Variants in ANK2 observed in about 807,000 individuals in gnomAD.
The protein encoded by ANK2 is ankyrin-2.
In ANK2, 83 loss-of-function variants were observed where a neutral mutation model predicts 360.5. The observed-to-expected ratio is 0.23, with a 90% confidence interval of 0.19 to 0.28. The LOEUF (loss-of-function observed/expected upper bound fraction) is 0.28. ANK2 is among the 10% of genes least tolerant of loss of function. The probability of loss-of-function intolerance (pLI) is 1.00; values close to 1 mark genes in which losing one functional copy is unlikely to be tolerated. For missense variants in ANK2, 4,201 were observed against 4,795.7 expected (o/e 0.88, Z 3.66); for synonymous variants, 1,740 against 1,759.5 (o/e 0.99, Z 0.28).
chr4:113,298,865 G>A (rs1309947134), intron 22 of ANK2, among the ~76,000 whole-genome samples: 1 of 152,098 alleles, frequency 6.6e-6, no homozygotes, highest in African/African-American at 2.4e-5. Context: ...GTTTTCAAAG[G>A]ACATTTTGTT....
the ANK2 span, among the ~76,000 whole-genome samples, chr4:112,786,467 G>A: frequency 3.4e-5 from 5 of 145,102 alleles, no homozygotes; most frequent in Non-Finnish European, 6.0e-5. Flanking sequence ...GCGTGATCTC[G>A]GCTCACTGCA....
chr4:113,073,793 A>T (rs530471219), intron 1 of ANK2, among the ~76,000 whole-genome samples: 1 of 152,168 alleles, frequency 6.6e-6, no homozygotes, highest in Non-Finnish European at 1.5e-5. Context: ...ACCTCATCCA[A>T]TGGTGCCCAG....
intron 16 of ANK2, 135 bp downstream of exon 16, chr4:113,278,070 C>T (rs1209496564): frequency 2.3e-6 from 2 of 879,506 alleles, no homozygotes; most frequent in East Asian, 2.7e-5. Context: ...GACATGGTGG[C>T]GATGTCTTCC....
intron 2 of ANK2, among the ~76,000 whole-genome samples, chr4:113,180,474 G>A (rs1038544268): frequency 6.6e-6 from 1 of 152,096 alleles, no homozygotes; most frequent in Non-Finnish European, 1.5e-5. Flanking sequence ...AGCAAAAGTA[G>A]CACTGATTCG....
chr4:113,369,487 A>T (rs2154065572), intron 42 of ANK2, 27 bp from the exon 43 acceptor site: 1 of 1,611,416 alleles, frequency 6.2e-7, no homozygotes, highest in South Asian at 1.1e-5. Context: ...AATGTCCCTG[A>T]AGTCTCATTT....
intron 2 of ANK2, among the ~76,000 whole-genome samples, chr4:113,018,815 G>A (rs540749886): frequency 3.3e-5 from 5 of 152,218 alleles, no homozygotes; most frequent in South Asian, 2.1e-4. Flanking sequence ...CTTGAGATAC[G>A]GATAAACAGA....
At chr4:112,975,103 G>A (rs553275978) in intron 2 of ANK2, among the ~76,000 whole-genome samples, 10 of 152,216 alleles carry the variant, frequency 6.6e-5, no homozygotes, top group African/African-American at 2.2e-4. Flanking sequence ...CATCCAGTCC[G>A]GGAAATGCCC....
At chr4:113,375,405 A>G (rs1441529766) in intron 45 of ANK2, among the ~76,000 whole-genome samples, 1 of 152,224 alleles carries the variant, frequency 6.6e-6, no homozygotes, top group Non-Finnish European at 1.5e-5. Context: ...CAATTACTTA[A>G]GTTCTGGTTT....
chr4:112,987,426 G>T (rs1341805088), intron 2 of ANK2, among the ~76,000 whole-genome samples: 1 of 152,222 alleles, frequency 6.6e-6, no homozygotes, highest in Non-Finnish European at 1.5e-5. Context: ...ACCAGATTCA[G>T]ATTGGAGGCT....
At chr4:113,242,571 CT>C (rs2040565477) in intron 9 of ANK2, among the ~76,000 whole-genome samples, 1 of 152,160 alleles carries the variant, frequency 6.6e-6, no homozygotes, top group African/African-American at 2.4e-5. Flanking sequence ...GAGAATGTGG[CT>C]TTTACACAAA....
chr4:113,341,205 A>G (rs1162898416), intron 32 of ANK2, among the ~76,000 whole-genome samples: 1 of 152,220 alleles, frequency 6.6e-6, no homozygotes, highest in African/African-American at 2.4e-5. Flanking sequence ...GGAAAAGAAT[A>G]ACGAGGGGAG....
chr4:113,036,924 A>G (rs2061736198), intron 2 of ANK2, among the ~76,000 whole-genome samples: 1 of 151,974 alleles, frequency 6.6e-6, no homozygotes, highest in South Asian at 2.1e-4. Context: ...CAGGCTTCCT[A>G]AACTCAGGGT....
upstream of ANK2, chr4:113,049,534 T>A (rs538957788): frequency 9.0e-7 from 1 of 1,109,546 alleles, no homozygotes; most frequent in South Asian, 1.6e-5. Context: ...TTGAATCAGA[T>A]TTAACAATGC....
the ANK2 span, among the ~76,000 whole-genome samples, chr4:112,718,421 T>TGA: frequency 2.6e-5 from 4 of 151,858 alleles, no homozygotes; most frequent in Non-Finnish European, 2.9e-5. Context: ...TTCAAGCAAA[T>TGA]TTCCTGCCTC....
intron 41 of ANK2, 52 bp downstream of exon 41, chr4:113,365,234 G>T: frequency 1.3e-5 from 19 of 1,499,836 alleles, no homozygotes; most frequent in Admixed American, 1.8e-5. Context: ...TGTGTGTGTT[G>T]TGTCTGTGTG....
chr4:112,958,657 T>C (rs2032774010), intron 2 of ANK2, among the ~76,000 whole-genome samples: 1 of 152,100 alleles, frequency 6.6e-6, no homozygotes. Context: ...AGGGCTGCTC[T>C]TGTTTTAAAG....
At position 113,110,528 on chromosome 4, in the gene ANK2, G is replaced by A. The variant is rs147096588; in HGVS notation, c.84+60716G>A. Among the ~76,000 whole-genome samples the A allele has an allele frequency of 3.0e-4, 45 of 152,044 alleles. No homozygotes were observed. The East Asian group carries it at 4.2e-3, about 14-fold the overall frequency. ...TGGATCACAGAAGCTCTTTCAGAGG[G>A]AAAAAAAGAGTTAAATATGATAGCA... On this transcript the variant is annotated intron_variant, in intron 1 of 45. Coordinates refer to ENST00000357077, the MANE Select transcript of ANK2 (RefSeq NM_001148.6).
chr4:112,822,417 CAAA>C (rs1159310102), intron 1 of ANK2, among the ~76,000 whole-genome samples: 4 of 94,664 alleles, frequency 4.2e-5, no homozygotes, highest in Non-Finnish European at 2.2e-5. Flanking sequence ...GATTCCGTCT[CAAA>C]AAAAAAAAAA....
intron 31 of ANK2, among the ~76,000 whole-genome samples, chr4:113,337,745 G>A (rs765430113): frequency 2.0e-5 from 3 of 152,078 alleles, no homozygotes; most frequent in Non-Finnish European, 2.9e-5. Flanking sequence ...TAATGAGTGG[G>A]GGGAAATCAT....
Sources: gnomAD v4.1 joint callset for allele counts (sites outside exome capture counted in the v4.1 genomes callset) on GRCh38, gnomAD v4.1.1 for gene constraint, MANE v1.5 for transcripts, NCBI Gene and HGNC (gene_info 2026-07-23, HGNC 2026-07-21) for gene names.